The following FCGRT variants were observed in gnomAD, a reference collection of about 807,000 sequenced individuals.
FCGRT encodes Fc gamma receptor and transporter.
FCGRT carries 13 observed loss-of-function variants against 35.7 expected under a neutral mutation model. The observed-to-expected ratio is 0.36, with a 90% confidence interval of 0.24 to 0.58. FCGRT has a LOEUF of 0.58. Among genes scored for constraint, FCGRT ranks in the 20% least tolerant of loss-of-function variants. The pLI is 0.77. For missense variants in FCGRT, 455 were observed against 474.9 expected, an observed-to-expected ratio of 0.96 and a Z score of 0.39; for synonymous variants, 233 against 216.5, an observed-to-expected ratio of 1.08 and a Z score of -0.67.
Position 49,514,428 on chromosome 19 carries a change from C to G in FCGRT, c.543C>G (p.Ser181=). The G allele has an allele frequency of 6.3e-7, 1 of 1,589,526 alleles. No individual in the cohort carries two copies. Among genetic ancestry groups the G allele is most frequent in the Middle Eastern group, 1.7e-4 (1 of 5,728 alleles). The change falls in exon 4 of 7, where the codon TCC becomes TCG. Residue 181 remains serine (S), a synonymous_variant. Transcript: ENST00000221466. The part of the protein sequence containing the change: ...ANKELTFLLF[S]CPHRLREHLE... The stretch of plus-strand genomic sequence containing the variant: ...AGGAGCTCACCTTCCTGCTATTCTC[C>G]TGCCCGCACCGCCTGCGGGAGCACC...
rs952631701 is a variant in FCGRT, at chr19:49,520,130, CTTTTT to C, written c.602-4363_602-4359del. Among the ~76,000 whole-genome samples the C allele has an allele frequency of 4.8e-4, 48 of 99,502 alleles. 1 individual carries two copies. The highest frequency in any genetic ancestry group is 1.8e-3 in the African/African-American group (44 of 24,682). 65.3% of individuals were successfully genotyped at this position (99,502 alleles called of 152,430 possible). The stretch of plus-strand genomic sequence containing the variant: ...ACAGGCGTGAGCCACCGCGCCCGGG[CTTTTT>C]TTTTTTTTTTTTTGAGAGGGCGTCT... On this transcript the variant is annotated intron_variant, in intron 4 of 6. Coordinates refer to ENST00000221466, the MANE Select transcript of FCGRT (RefSeq NM_001136019.3).
In FCGRT at chr19:49,514,538, C is replaced by G. The variant is rs760110900; in HGVS notation, c.601+52C>G. On this transcript the variant is annotated intron_variant, in intron 4 of 6. Transcript: ENST00000221466. ...GTTCTGTCCTCTCTCCCGTCATGCC[C>G]ACCTGCCTCAGTTCCCCTGCCAGGA... is the stretch of plus-strand genomic sequence containing the variant. The G allele has an allele frequency of 4.1e-6, 6 of 1,478,352 alleles. No homozygotes were observed. The Admixed American group carries it at 1.4e-4, about 35-fold the overall frequency. The allele number at this position is 1,478,352 out of a possible 1,614,324, so 91.6% of individuals were successfully genotyped here.
At chr19:49,520,907 G>C (rs977306714) in intron 4 of FCGRT, 1 of 152,278 alleles carries the variant, frequency 6.6e-6, no homozygotes, top group African/African-American at 2.4e-5. Context: ...GGGAGAAGCT[G>C]CTGTGCTTTC....
rs2079985883 is a variant in FCGRT, at chr19:49,513,483, G to A, written c.73+10G>A. 8.1e-7 allele frequency: 1 copy of A among 1,241,462 alleles called. No individual in the cohort carries two copies. Among genetic ancestry groups the A allele is most frequent in the Non-Finnish European group, 1.0e-6 (1 of 987,440 alleles). 76.9% of individuals were successfully genotyped at this position (1,241,462 alleles called of 1,614,324 possible). ...GGGAGCCTGGGCGCAGGTGAGGGCC[G>A]CTCCGGGCCAGGGCCCTGCTGCAGG... On this transcript the variant is annotated intron_variant, in intron 2 of 6. Transcript: ENST00000221466.
Position 49,525,461 on chromosome 19 carries a change from T to C in FCGRT, c.876T>C (p.Ser292=). The change falls in exon 6 of 7, where the codon TCT becomes TCC. Residue 292 remains serine (S), a synonymous_variant. Transcript: ENST00000221466. ...LAQPLRVELE[S]PAKSSVLVVG... ...CACAGCGTTCTCTGGCTGCAGAATC[T>C]CCAGCCAAGTCCTCCGTGCTCGTGG... 2 of 1,613,150 alleles carry C rather than the reference T, an allele frequency of 1.2e-6. No individual in the cohort carries two copies. Among genetic ancestry groups the C allele is most frequent in the South Asian group, 1.1e-5 (1 of 91,068 alleles).
chr19:49,522,267 G>T (rs992076001), intron 4 of FCGRT, among the ~76,000 whole-genome samples: 1 of 150,588 alleles, frequency 6.6e-6, no homozygotes, highest in African/African-American at 2.4e-5. Flanking sequence ...TTGTAGTGGA[G>T]ACTACGTCTT....
At chr19:49,520,126 C>T (rs552376332) in intron 4 of FCGRT, among the ~76,000 whole-genome samples, 3 of 128,936 alleles carry the variant, frequency 2.3e-5, no homozygotes, top group Non-Finnish European at 3.2e-5. Context: ...CCACCGCGCC[C>T]GGGCTTTTTT....
chr19:49,522,145 G>A (rs2122690542), intron 4 of FCGRT, among the ~76,000 whole-genome samples: 1 of 147,320 alleles, frequency 6.8e-6, no homozygotes, highest in Admixed American at 6.8e-5. Context: ...ACCCAGGTGT[G>A]ATCATAACTC....
chr19:49,525,169 C>G (rs1367143076), intron 5 of FCGRT: 2 of 511,994 alleles, frequency 3.9e-6, no homozygotes, highest in African/African-American at 3.8e-5. Context: ...GCCCATGAGA[C>G]TGACTTCCCA....
At chr19:49,518,628 G>T (rs974046135) in intron 4 of FCGRT, among the ~76,000 whole-genome samples, 1 of 151,994 alleles carries the variant, frequency 6.6e-6, no homozygotes, top group African/African-American at 2.4e-5. Flanking sequence ...CTGCCTCCCG[G>T]GTTCAAGCAA....
chr19:49,525,254 G>A (rs1002509830), intron 5 of FCGRT: 6 of 570,846 alleles, frequency 1.1e-5, no homozygotes, highest in East Asian at 9.7e-5. Flanking sequence ...CGGTGTGACC[G>A]CGGCCGCTCG....
At chr19:49,516,060 C>G (rs1394913416) in intron 4 of FCGRT, 4 of 401,154 alleles carry the variant, frequency 1.0e-5, no homozygotes, top group African/African-American at 8.4e-5. Flanking sequence ...AGGCGCTGCT[C>G]TGGGCCTTGA....
chr19:49,513,261 T>C, intron 1 of FCGRT, 126 bp from the exon 2 acceptor site: 2 of 406,062 alleles, frequency 4.9e-6, no homozygotes. Context: ...GAGGGCATTG[T>C]TGTCAGTCTG....
chr19:49,516,819 G>A (rs991906104), intron 4 of FCGRT, among the ~76,000 whole-genome samples: 1 of 151,628 alleles, frequency 6.6e-6, no homozygotes, highest in African/African-American at 2.4e-5. Flanking sequence ...GCCTCCCAAA[G>A]TGCTGGGATT....
intron 4 of FCGRT, among the ~76,000 whole-genome samples, chr19:49,519,085 G>T (rs528315608): frequency 1.4e-5 from 2 of 143,292 alleles, no homozygotes; most frequent in South Asian, 2.2e-4. Flanking sequence ...CTCCTGATCC[G>T]CCTGCCTCAG....
In FCGRT at chr19:49,522,874, T is replaced by C. The variant is rs1302709149; in HGVS notation, c.602-1633T>C. Among the ~76,000 whole-genome samples, 3 of 145,000 alleles carry C rather than the reference T, an allele frequency of 2.1e-5. No homozygotes were observed. The East Asian group carries it at 6.2e-4, about 30-fold the overall frequency. On this transcript the variant is annotated intron_variant, in intron 4 of 6. Transcript: ENST00000221466. Reference sequence around the variant, plus strand: ...CTCACTGCAAGCTCCGCCTCCCGGGTTCACGCCATTCTCCTGCCTCAGCCT... The same window carrying C: ...CTCACTGCAAGCTCCGCCTCCCGGGCTCACGCCATTCTCCTGCCTCAGCCT...
In FCGRT at chr19:49,514,402, A is replaced by G. The variant is rs2079994056; in HGVS notation, c.517A>G (p.Lys173Glu). 1 of 1,607,086 alleles carries G rather than the reference A, an allele frequency of 6.2e-7. No individual in the cohort carries two copies. Among genetic ancestry groups the G allele is most frequent in the African/African-American group, 1.3e-5 (1 of 74,964 alleles). ...GCAGCAGCAGGACAAGGCGGCCAAC[A>G]AGGAGCTCACCTTCCTGCTATTCTC... ...RWQQQDKAAN[K>E]ELTFLLFSCP... The change falls in exon 4 of 7, where the codon AAG becomes GAG. Residue 173 changes from lysine (K) to glutamate (E), a missense_variant. This residue lies in a region of FCGRT where 312 missense variants were observed against 296.1 expected (regional missense o/e 1.05). Coordinates refer to ENST00000221466, the MANE Select transcript of FCGRT (RefSeq NM_001136019.3).
At chr19:49,522,770 CTTTTTTTTTTTTT>C (rs746958247) in intron 4 of FCGRT, among the ~76,000 whole-genome samples, 1,003 of 66,754 alleles carry the variant, frequency 0.015, 33 homozygotes, top group African/African-American at 0.062. Flanking sequence ...CTTAAGCTCT[CTTTTTTTTTTTTT>C]TTTTTTTTTT....
At chr19:49,513,650 G>A (rs2079987127) in intron 2 of FCGRT, 177 bp downstream of exon 2, 1 of 452,774 alleles carries the variant, frequency 2.2e-6, no homozygotes, top group Non-Finnish European at 3.7e-6. Flanking sequence ...ACCACCTGTC[G>A]CCTCTTGTGT....
Sources: gnomAD v4.1 joint callset for allele counts (sites outside exome capture counted in the v4.1 genomes callset) on GRCh38, gnomAD v4.1.1 for gene constraint, gnomAD v4.1.1 regional missense constraint, MANE v1.5 for transcripts, NCBI Gene and HGNC (gene_info 2026-07-23, HGNC 2026-07-21) for gene names.